EXD3: variants seen among roughly 807,000 people sequenced by gnomAD.
EXD3 encodes the protein exonuclease 3'-5' domain containing 3, also known as exonuclease mut-7 homolog.
EXD3 carries 92 observed loss-of-function variants against 98.0 expected under a neutral mutation model. That is an observed-to-expected ratio of 0.94 (90% confidence interval 0.79 to 1.12). The LOEUF (loss-of-function observed/expected upper bound fraction) is 1.12, where lower values mean the gene tolerates loss of function less well. EXD3 is among the 50% of genes most tolerant of loss of function. The pLI, the probability that EXD3 is intolerant of heterozygous loss-of-function variation, is 0.00. For synonymous variants in EXD3, 569 were observed against 526.0 expected, an observed-to-expected ratio of 1.08 and a Z score of -1.12; for missense variants, 1,222 against 1,191.6, an observed-to-expected ratio of 1.03 and a Z score of -0.38.
chr9:137,338,563 T>C (rs1326945759), intron 17 of EXD3, among the ~76,000 whole-genome samples: 1 of 151,808 alleles, frequency 6.6e-6, no homozygotes, highest in East Asian at 1.9e-4. Flanking sequence ...ATAGAAAGAC[T>C]TAACAAAGCC....
chr9:137,332,586 G>A (rs1385665416), intron 17 of EXD3, among the ~76,000 whole-genome samples: 2 of 151,876 alleles, frequency 1.3e-5, no homozygotes, highest in Middle Eastern at 3.4e-3. Flanking sequence ...GCTCACGCCT[G>A]TAATCCCAGC....
At chr9:137,353,314 T>C (rs1834414376) in intron 10 of EXD3, 1 of 985,022 alleles carries the variant, frequency 1.0e-6, no homozygotes, top group African/African-American at 1.8e-5. Context: ...GCCCTCCTGC[T>C]CTCACCAGGC....
rs751246077 is a variant in EXD3, at chr9:137,397,486, G to A, written c.-47-2082C>T. On this transcript the variant is annotated intron_variant, in intron 1 of 21. Coordinates refer to ENST00000340951, the MANE Select transcript of EXD3 (RefSeq NM_017820.5). ...AGAGTTTCCACAATGGATAATTCAC[G>A]AAACTCAGCACGTAATAAAAATCAC... Among the ~76,000 whole-genome samples the A allele has an allele frequency of 5.9e-5, 9 of 152,100 alleles. No individual in the cohort carries two copies. In the East Asian group the frequency reaches 7.7e-4, roughly 13 times the overall value.
intron 19 of EXD3, among the ~76,000 whole-genome samples, chr9:137,320,333 A>G (rs1017520530): frequency 6.6e-6 from 1 of 152,178 alleles, no homozygotes; most frequent in African/African-American, 2.4e-5. Context: ...GGCTGTTTGC[A>G]GTCTTTCAGA....
chr9:137,411,501 C>T (rs182663881), intron 1 of EXD3, among the ~76,000 whole-genome samples: 3 of 151,916 alleles, frequency 2.0e-5, no homozygotes, highest in East Asian at 3.9e-4. Context: ...GAAGCTTCGC[C>T]CTCAAGTAGG....
At chr9:137,357,696 T>A (rs1256074626) in intron 7 of EXD3, among the ~76,000 whole-genome samples, 3 of 148,424 alleles carry the variant, frequency 2.0e-5, no homozygotes. Context: ...ACAGAACTCA[T>A]AGGATATATA....
chr9:137,406,293 A>G (rs565159426), intron 1 of EXD3, among the ~76,000 whole-genome samples: 145 of 150,858 alleles, frequency 9.6e-4, no homozygotes, highest in African/African-American at 3.3e-3. Context: ...GGAAAAAGGA[A>G]AAAAAAAAGA....
At position 137,324,310 on chromosome 9, in the gene EXD3, G is replaced by C. The variant is rs1832266027; in HGVS notation, c.1999-167C>G. On this transcript the variant is annotated intron_variant, in intron 17 of 21. Transcript: ENST00000340951. The surrounding 1 kb of genome is among the most constrained non-coding windows in gnomAD (Gnocchi z 4.1). ...GGTCTTGGGTGGTGAGGAGCCCTCT[G>C]CCGGGTCCTGGGTGTCGCCTCATTG... 6.6e-6 allele frequency among the ~76,000 whole-genome samples: 1 copy of C among 152,172 alleles called. No homozygotes were observed. The highest frequency in any genetic ancestry group is 2.1e-4 in the South Asian group (1 of 4,828).
intron 10 of EXD3, 91 bp from the exon 11 acceptor site, chr9:137,352,877 C>G: frequency 5.4e-6 from 8 of 1,482,364 alleles, no homozygotes; most frequent in Non-Finnish European, 6.3e-6. Flanking sequence ...CCCGACCTTG[C>G]AGACTGGCTA....
At chr9:137,372,548 G>A (rs780031056) in intron 5 of EXD3, among the ~76,000 whole-genome samples, 2 of 152,258 alleles carry the variant, frequency 1.3e-5, no homozygotes, top group Non-Finnish European at 2.9e-5. Flanking sequence ...CGGAGGCGCA[G>A]AGGCTAACAG....
intron 17 of EXD3, among the ~76,000 whole-genome samples, chr9:137,334,158 C>T (rs1263727612): frequency 6.6e-6 from 1 of 152,180 alleles, no homozygotes; most frequent in African/African-American, 2.4e-5. Flanking sequence ...CCCGCCACCA[C>T]ACCCGGCTAA....
chr9:137,324,107 CCGA>C lies in EXD3; in HGVS notation c.2032_2034del (p.Ser678del). 6.3e-7 allele frequency: 1 copy of C among 1,588,532 alleles called. No individual in the cohort carries two copies. The highest frequency in any genetic ancestry group is 1.1e-5 in the South Asian group (1 of 87,068). ...ACACTCACCTTGTGGAATGGCTGCC[CCGA>C]CGTCAGAATGATCCTCCCCTCCTGC... On this transcript the variant is annotated inframe_deletion, in exon 18 of 22. Coordinates refer to ENST00000340951, the MANE Select transcript of EXD3 (RefSeq NM_017820.5). The surrounding 1 kb of genome is among the most constrained non-coding windows in gnomAD (Gnocchi z 4.1).
intron 14 of EXD3, 64 bp downstream of exon 14, chr9:137,350,974 C>T: frequency 2.1e-6 from 3 of 1,428,914 alleles, no homozygotes; most frequent in Non-Finnish European, 2.9e-6. Flanking sequence ...TGTGGAGGGG[C>T]CCCAAGCAGC....
At chr9:137,413,263 T>G (rs912751481) in intron 1 of EXD3, among the ~76,000 whole-genome samples, 1 of 151,698 alleles carries the variant, frequency 6.6e-6, no homozygotes, top group Non-Finnish European at 1.5e-5. Flanking sequence ...TGCAGTGGCG[T>G]GATCTTGGCT....
intron 2 of EXD3, among the ~76,000 whole-genome samples, chr9:137,388,663 C>T (rs1285670508): frequency 6.6e-6 from 1 of 152,122 alleles, no homozygotes; most frequent in African/African-American, 2.4e-5. Context: ...AGGGGACACC[C>T]GGCCTCCAGG....
chr9:137,310,793 G>A lies in EXD3; in HGVS notation c.2185-1093C>T, dbSNP rs1042591031. Among the ~76,000 whole-genome samples, 8 of 152,284 alleles carry A rather than the reference G, an allele frequency of 5.3e-5. 1 individual carries two copies. Among genetic ancestry groups the A allele is most frequent in the South Asian group, 4.1e-4 (2 of 4,828 alleles). On this transcript the variant is annotated intron_variant, in intron 19 of 21. Transcript: ENST00000340951. Reference sequence around the variant, plus strand: ...GGTCCTGTGGAGGTGTGGCCTTCCCGTCACAGCCCTTCTGATGTCAGAGCA... The same window carrying A: ...GGTCCTGTGGAGGTGTGGCCTTCCCATCACAGCCCTTCTGATGTCAGAGCA...
At chr9:137,338,909 A>G (rs1311536403) in intron 17 of EXD3, among the ~76,000 whole-genome samples, 3 of 150,310 alleles carry the variant, frequency 2.0e-5, no homozygotes, top group Non-Finnish European at 4.4e-5. Flanking sequence ...AAAAAAAAAA[A>G]GGGCAGTAAG....
rs1554739571 is a variant in EXD3, at chr9:137,407,825, C to CGGGAG, written c.-47-12422_-47-12421insCTCCC. 1.3e-5 allele frequency among the ~76,000 whole-genome samples: 2 copies of CGGGAG among 150,208 alleles called. No individual in the cohort carries two copies. The highest frequency in any genetic ancestry group is 3.0e-5 in the Non-Finnish European group (2 of 67,368). On this transcript the variant is annotated intron_variant, in intron 1 of 21. Transcript: ENST00000340951. The surrounding 1 kb of genome is among the most constrained non-coding windows in gnomAD (Gnocchi z 4.4). ...TGCGCCGGCTGGACCCAAGGACACA[C>CGGGAG]GCGGGAGGCGGGAGGCGGGAGGGGC...
chr9:137,418,073 G>A (rs1017050740), intron 1 of EXD3, among the ~76,000 whole-genome samples: 85 of 152,176 alleles, frequency 5.6e-4, no homozygotes, highest in Non-Finnish European at 1.1e-3. Flanking sequence ...GTGGCCGGGC[G>A]CAGTGGCTCA....
Sources: gnomAD v4.1 joint callset for allele counts (sites outside exome capture counted in the v4.1 genomes callset) on GRCh38, gnomAD v4.1.1 for gene constraint, Gnocchi (gnomAD v3.1) non-coding constraint, MANE v1.5 for transcripts, NCBI Gene and HGNC (gene_info 2026-07-23, HGNC 2026-07-21) for gene names.